The following THSD4 variants were observed in gnomAD, a reference collection of about 807,000 sequenced individuals.
The protein encoded by THSD4 is thrombospondin type 1 domain containing 4.
THSD4 carries 69 observed loss-of-function variants against 119.0 expected under a neutral mutation model. The observed-to-expected ratio is 0.58, with a 90% CI of 0.48 to 0.71. THSD4 has a LOEUF of 0.71. THSD4 is among the 30% of genes least tolerant of loss of function. THSD4 has a pLI of 0.00. For synonymous variants in THSD4, 524 were observed against 540.4 expected (o/e 0.97, Z 0.42); for missense variants, 1,393 against 1,391.1 (o/e 1.00, Z -0.02).
intron 16 of THSD4, among the ~76,000 whole-genome samples, chr15:71,770,549 G>A (rs1360018888): frequency 2.0e-5 from 3 of 151,978 alleles, no homozygotes; most frequent in Non-Finnish European, 4.4e-5. Context: ...CAGCTACTGG[G>A]GAGGCTGAGG....
rs1555410672 is a variant in THSD4, at chr15:71,407,607, T to TTC, written c.1016-4080_1016-4079insTC. 2.2e-3 allele frequency among the ~76,000 whole-genome samples: 336 copies of TTC among 151,846 alleles called. 4 individuals carry two copies. Among genetic ancestry groups the TTC allele is most frequent in the African/African-American group, 7.7e-3 (317 of 41,410 alleles). On this transcript the variant is annotated intron_variant, in intron 6 of 17. Transcript: ENST00000261862. The stretch of plus-strand genomic sequence containing the variant: ...GTATAGTCACCAGCATTTTTTTTTT[T>TTC]CATGGTCAGAGGGCTTTTAAATATC...
At chr15:71,114,012 C>G (rs1386648279), upstream of THSD4, among the ~76,000 whole-genome samples, 1 of 152,024 alleles carries the variant, frequency 6.6e-6, no homozygotes, top group Non-Finnish European at 1.5e-5. Flanking sequence ...CCATGAGACT[C>G]GTGACACTCA....
chr15:71,142,926 G>A (rs2040619191), intron 2 of THSD4, among the ~76,000 whole-genome samples: 1 of 152,226 alleles, frequency 6.6e-6, no homozygotes, highest in Admixed American at 6.5e-5. Context: ...GGTGCCACAG[G>A]TGGTTGGCCA....
chr15:71,243,241 T>C (rs1016358047), intron 5 of THSD4, 145 bp downstream of exon 5: 22 of 832,590 alleles, frequency 2.6e-5, no homozygotes, highest in Non-Finnish European at 3.5e-5. Flanking sequence ...TCTCTTTGCT[T>C]TCCATGTATT....
intron 7 of THSD4, among the ~76,000 whole-genome samples, chr15:71,626,392 A>C (rs527289781): frequency 6.6e-6 from 1 of 152,168 alleles, no homozygotes; most frequent in East Asian, 1.9e-4. Context: ...CTTCTTCCAG[A>C]CCCTCAGTGG....
chr15:71,484,774 T>A (rs961835074), intron 7 of THSD4, among the ~76,000 whole-genome samples: 3 of 152,200 alleles, frequency 2.0e-5, no homozygotes, highest in Non-Finnish European at 4.4e-5. Context: ...GAGTTTGTGA[T>A]GAAGTGAACC....
intron 5 of THSD4, among the ~76,000 whole-genome samples, chr15:71,249,745 T>C (rs2044241454): frequency 6.6e-6 from 1 of 152,220 alleles, no homozygotes. Flanking sequence ...CAAGATGTAA[T>C]CACAGCCAGT....
At chr15:71,101,981 G>A (rs533787020) in intron 1 of THSD4, among the ~76,000 whole-genome samples, 1 of 152,204 alleles carries the variant, frequency 6.6e-6, no homozygotes, top group Admixed American at 6.5e-5. Flanking sequence ...CCAAAGTGCT[G>A]GGATTACAGG....
At chr15:71,453,547 T>C (rs150078748) in intron 7 of THSD4, among the ~76,000 whole-genome samples, 26 of 152,328 alleles carry the variant, frequency 1.7e-4, no homozygotes, top group Non-Finnish European at 3.2e-4. Context: ...TATTTAGTAC[T>C]ATACCTGTAA....
chr15:71,521,883 T>G (rs2048446671), intron 7 of THSD4, among the ~76,000 whole-genome samples: 1 of 152,196 alleles, frequency 6.6e-6, no homozygotes, highest in Non-Finnish European at 1.5e-5. Flanking sequence ...GGATCCTTCT[T>G]CCTAAGGGCT....
chr15:71,749,684 T>A (rs186365932), intron 14 of THSD4, among the ~76,000 whole-genome samples: 13 of 147,216 alleles, frequency 8.8e-5, no homozygotes, highest in African/African-American at 2.7e-4. Context: ...TTAATATTTT[T>A]ATATTTTTAA....
intron 7 of THSD4, among the ~76,000 whole-genome samples, chr15:71,426,250 T>C (rs1238526854): frequency 6.6e-6 from 1 of 152,222 alleles, no homozygotes; most frequent in Non-Finnish European, 1.5e-5. Flanking sequence ...TTCATATTTA[T>C]TCAATAAATT....
intron 3 of THSD4, among the ~76,000 whole-genome samples, chr15:71,204,964 C>G (rs1356412175): frequency 4.6e-5 from 7 of 152,104 alleles, no homozygotes; most frequent in Non-Finnish European, 1.0e-4. Context: ...AAGTAGCAGC[C>G]TATGAGCTCA....
chr15:71,125,477 T>C (rs2040445764), intron 1 of THSD4, among the ~76,000 whole-genome samples: 1 of 152,260 alleles, frequency 6.6e-6, no homozygotes, highest in Admixed American at 6.5e-5. Flanking sequence ...ACTTTGGTTC[T>C]TTCCACATGC....
At chr15:71,742,558 A>G (rs2053256810) in intron 11 of THSD4, among the ~76,000 whole-genome samples, 1 of 152,152 alleles carries the variant, frequency 6.6e-6, no homozygotes, top group Admixed American at 6.5e-5. Flanking sequence ...ATATAAGGCA[A>G]CCGAACTGAT....
At chr15:71,287,144 CAG>C (rs1332311437) in intron 6 of THSD4, among the ~76,000 whole-genome samples, 1 of 152,138 alleles carries the variant, frequency 6.6e-6, no homozygotes. Flanking sequence ...TAATACTAAA[CAG>C]TGTGACTGCC....
chr15:71,573,851 G>T (rs1434168580), intron 7 of THSD4, among the ~76,000 whole-genome samples: 1 of 152,150 alleles, frequency 6.6e-6, no homozygotes, highest in African/African-American at 2.4e-5. Context: ...GTGTCGCTTT[G>T]ATTACTTTGA....
intron 6 of THSD4, among the ~76,000 whole-genome samples, chr15:71,377,885 C>CACACACACACACACACACACACACACAA (rs2046165695): frequency 1.2e-5 from 1 of 82,174 alleles, no homozygotes; most frequent in Non-Finnish European, 2.5e-5. Flanking sequence ...CACACACACA[C>CACACACACACACACACACACACACACAA]ACACACACAC....
At chr15:71,678,603 G>A (rs2051700704) in intron 8 of THSD4, among the ~76,000 whole-genome samples, 2 of 152,212 alleles carry the variant, frequency 1.3e-5, no homozygotes, top group South Asian at 4.1e-4. Flanking sequence ...AGTCACTGAA[G>A]GGGTGGTCTT....
Sources: allele counts gnomAD v4.1 joint callset (sites outside exome capture counted in the v4.1 genomes callset), GRCh38; gene constraint gnomAD v4.1.1; transcripts MANE v1.5; gene names NCBI Gene and HGNC (gene_info 2026-07-23, HGNC 2026-07-21).